KRTAP4-5: variants seen among roughly 807,000 people sequenced by gnomAD.
KRTAP4-5 encodes keratin-associated protein 4-5.
For synonymous variants in KRTAP4-5, 73 were observed against 83.6 expected (o/e 0.87, Z 0.69); for missense variants, 199 against 233.7 (o/e 0.85, Z 0.97).
chr17:41,149,522 C>CTGGCAGCAGCTGGGG lies in KRTAP4-5; in HGVS notation c.245_246insCCCCAGCTGCTGCCA (p.Cys81_Gln82insHisProSerCysCys), dbSNP rs756701731. On this transcript the variant is annotated inframe_insertion, in exon 1 of 1. Transcript: ENST00000343246. ...AGCAGGTGGTCCTGCAGCAGGTGGT[C>CTGGCAGCAGCTGGGG]TGGCAGCAGCAGGGGCGGCAGCAGC... 1.3e-4 allele frequency: 90 copies of CTGGCAGCAGCTGGGG among 691,354 alleles called. No homozygotes were observed. The highest frequency in any genetic ancestry group is 1.8e-4 in the Non-Finnish European group (89 of 497,654). 42.8% of individuals were successfully genotyped at this position (691,354 alleles called of 1,614,324 possible). A position where few individuals can be genotyped will look rare whatever the true frequency, so the allele number is the denominator to read the frequency against.
Position 41,149,342 on chromosome 17 carries a change from G to T in KRTAP4-5, c.426C>A (p.Arg142=), listed in dbSNP as rs145013988. The change falls in exon 1 of 1, where the codon CGC becomes CGA. Residue 142 remains arginine (R), a synonymous_variant. Transcript: ENST00000343246. ...AGACTGGACGCACGCAGCAGCAGGGGCGGCAGCAGCTGGATTCACAGCAAG... is the reference window on the plus strand; with the variant it reads ...AGACTGGACGCACGCAGCAGCAGGGTCGGCAGCAGCTGGATTCACAGCAAG... ...HPSCCESSCC[R]PCCCVRPVCG... is the part of the protein sequence containing the mutation. 1.9e-6 allele frequency: 3 copies of T among 1,613,264 alleles called. No individual in the cohort carries two copies. The highest frequency in any genetic ancestry group is 1.3e-5 in the African/African-American group (1 of 75,030).
At position 41,149,262 on chromosome 17, in the gene KRTAP4-5, G is replaced by C. The variant is rs557854026; in HGVS notation, c.506C>G (p.Thr169Ser). 83 of 1,609,334 alleles carry C rather than the reference G, an allele frequency of 5.2e-5. 1 individual carries two copies. The highest frequency in any genetic ancestry group is 4.3e-4 in the South Asian group (39 of 90,240). Residue 169 changes from threonine to serine, a missense_variant, in exon 1 of 1, where the codon ACC (threonine) becomes AGC (serine). Physicochemically the swap from Thr to Ser is moderately conservative, Grantham distance 58 (BLOSUM62 1). Transcript: ENST00000343246. ...GGCACAGCACAAGGGGCGGGGGCAG[G>C]TGGAGATGACACAGGTTGGGCGATA... ...TCYRPTCVISTCPRPLCCASS... is the reference protein window; with the variant it reads ...TCYRPTCVISSCPRPLCCASS...
rs2014797605 is a variant in KRTAP4-5, at chr17:41,149,058, A to G, written c.*164T>C. The G allele has an allele frequency of 1.6e-6, 2 of 1,250,278 alleles. No homozygotes were observed. Among genetic ancestry groups the G allele is most frequent in the South Asian group, 1.6e-5 (1 of 62,848 alleles). 77.4% of individuals were successfully genotyped at this position (1,250,278 alleles called of 1,614,324 possible). Reference sequence around the variant, plus strand: ...GGCCTGGCATAACATATTTTAATGAATGTGATTGTCTGTCATTTCCTAGAA... The same window carrying G: ...GGCCTGGCATAACATATTTTAATGAGTGTGATTGTCTGTCATTTCCTAGAA... On this transcript the variant is annotated 3_prime_UTR_variant, in exon 1 of 1. Coordinates refer to ENST00000343246, the MANE Select transcript of KRTAP4-5 (RefSeq NM_033188.4).
In KRTAP4-5 at chr17:41,149,235, G is replaced by A. The variant is rs1452686224; in HGVS notation, c.533C>T (p.Ser178Phe). The change falls in exon 1 of 1, where the codon TCC (serine) becomes TTC (phenylalanine). Residue 178 changes from serine to phenylalanine, a missense_variant. Physicochemically the swap from Ser to Phe is radical, Grantham distance 155. Coordinates refer to ENST00000343246, the MANE Select transcript of KRTAP4-5 (RefSeq NM_033188.4). ...CACAAGGAGACATTAGCAGCAAGAG[G>A]AGGCACAGCACAAGGGGCGGGGGCA... ...STCPRPLCCA[S>F]SCC 9.4e-6 allele frequency: 15 copies of A among 1,604,182 alleles called. No individual in the cohort carries two copies. Among genetic ancestry groups the A allele is most frequent in the Non-Finnish European group, 1.3e-5 (15 of 1,174,922 alleles).
At position 41,149,216 on chromosome 17, in the gene KRTAP4-5, G is replaced by C. The variant is rs757187937; in HGVS notation, c.*6C>G. ...TTCATAGTATGACAAATATCACAAG[G>C]AGACATTAGCAGCAAGAGGAGGCAC... On this transcript the variant is annotated 3_prime_UTR_variant, in exon 1 of 1. Coordinates refer to ENST00000343246, the MANE Select transcript of KRTAP4-5 (RefSeq NM_033188.4). The C allele has an allele frequency of 1.1e-5, 18 of 1,592,746 alleles. No homozygotes were observed. The South Asian group carries it at 2.0e-4, about 18-fold the overall frequency.
At position 41,149,138 on chromosome 17, in the gene KRTAP4-5, AT is replaced by A; in HGVS notation, c.*83del. On this transcript the variant is annotated 3_prime_UTR_variant, in exon 1 of 1. Transcript: ENST00000343246. ...GAGACAAACTGGCAGGGAAGTGTTC[AT>A]TTTTCCAGTGACTGGCTGGCTACAG... is the stretch of plus-strand genomic sequence containing the variant. The A allele has an allele frequency of 3.4e-6, 5 of 1,484,610 alleles. No individual in the cohort carries two copies. Among genetic ancestry groups the A allele is most frequent in the Non-Finnish European group, 4.5e-6 (5 of 1,112,106 alleles). The allele number at this position is 1,484,610 out of a possible 1,614,324, so 92.0% of individuals were successfully genotyped here. A position where few individuals can be genotyped will look rare whatever the true frequency, so the allele number is the denominator to read the frequency against.
Position 41,149,311 on chromosome 17 carries a change from G to C in KRTAP4-5, c.457C>G (p.Arg153Gly), listed in dbSNP as rs71371463. Residue 153 changes from arginine to glycine, a missense_variant, in exon 1 of 1, where the codon CGA becomes GGA. Coordinates refer to ENST00000343246, the MANE Select transcript of KRTAP4-5 (RefSeq NM_033188.4). The stretch of plus-strand genomic sequence containing the variant: ...TAGCAAGTGGTGTGGCAGGAGACTC[G>C]GCCACAGACTGGACGCACGCAGCAG... ...PCCCVRPVCGRVSCHTTCYRP... is the reference protein window; with the variant it reads ...PCCCVRPVCGGVSCHTTCYRP... 5 of 1,610,330 alleles carry C rather than the reference G, an allele frequency of 3.1e-6. No homozygotes were observed. Among genetic ancestry groups the C allele is most frequent in the Non-Finnish European group, 4.2e-6 (5 of 1,178,316 alleles).
In KRTAP4-5 at chr17:41,149,115, G is replaced by A; in HGVS notation, c.*107C>T. 2.0e-6 allele frequency: 3 copies of A among 1,465,580 alleles called. No homozygotes were observed. Among genetic ancestry groups the A allele is most frequent in the Non-Finnish European group, 2.7e-6 (3 of 1,102,046 alleles). The allele number at this position is 1,465,580 out of a possible 1,614,324, so 90.8% of individuals were successfully genotyped here. A position where few individuals can be genotyped will look rare whatever the true frequency, so the allele number is the denominator to read the frequency against. ...AATGTCCACTCTGAATGCCACATGA[G>A]ACAAACTGGCAGGGAAGTGTTCATT... On this transcript the variant is annotated 3_prime_UTR_variant, in exon 1 of 1. Transcript: ENST00000343246.
chr17:41,149,629 G>GGCAGCACTGGGGCTT lies in KRTAP4-5; in HGVS notation c.124_138dup (p.Lys42_Cys46dup). On this transcript the variant is annotated inframe_insertion, in exon 1 of 1. Transcript: ENST00000343246. The stretch of plus-strand genomic sequence containing the variant: ...CAGGTGGGCTGGTAGCACACAGACT[G>GGCAGCACTGGGGCTT]GCAGCACTGGGGCTTGCAGCAGCTG... 6.2e-7 allele frequency: 1 copy of GGCAGCACTGGGGCTT among 1,612,442 alleles called. No individual in the cohort carries two copies. Among genetic ancestry groups the GGCAGCACTGGGGCTT allele is most frequent in the Non-Finnish European group, 8.5e-7 (1 of 1,179,602 alleles).
chr17:41,149,498 G>A lies in KRTAP4-5; in HGVS notation c.270C>T (p.Cys90=), dbSNP rs1486796212. Residue 90 remains cysteine, a synonymous_variant, in exon 1 of 1, where the codon TGC becomes TGT. Coordinates refer to ENST00000343246, the MANE Select transcript of KRTAP4-5 (RefSeq NM_033188.4). The stretch of plus-strand genomic sequence containing the variant: ...TGGGGCAGCAGCAGGTGGTCCTGCA[G>A]CAGGTGGTCCTGCAGCAGGTGGTCT... ...CCQTTCCRTT[C]CRTTCCCPSC... 6.6e-7 allele frequency: 1 copy of A among 1,521,420 alleles called. No individual in the cohort carries two copies. Among genetic ancestry groups the A allele is most frequent in the East Asian group, 2.5e-5 (1 of 39,958 alleles). 94.2% of individuals were successfully genotyped at this position (1,521,420 alleles called of 1,614,324 possible). A position where few individuals can be genotyped will look rare whatever the true frequency, so the allele number is the denominator to read the frequency against.
the KRTAP4-5 span, chr17:41,149,517 GT>G: frequency 1.4e-6 from 1 of 709,452 alleles, no homozygotes; most frequent in African/African-American, 3.4e-5. Context: ...CCTGCAGCAG[GT>G]GGTCTGGCAG....
At position 41,149,198 on chromosome 17, in the gene KRTAP4-5, T is replaced by C. The variant is rs139031009; in HGVS notation, c.*24A>G. 746 of 1,565,568 alleles carry C rather than the reference T, an allele frequency of 4.8e-4. 2 individuals are homozygous for C. In the African/African-American group the frequency reaches 9.0e-3, roughly 19 times the overall value. On this transcript the variant is annotated 3_prime_UTR_variant, in exon 1 of 1. Transcript: ENST00000343246. The stretch of plus-strand genomic sequence containing the variant: ...AAATGACTAATGAAGACATTCATAG[T>C]ATGACAAATATCACAAGGAGACATT...
rs757304330 is a variant in KRTAP4-5 at position 41,149,372 on chromosome 17, G to A, written c.396C>T (p.His132=). 2 of 1,613,776 alleles carry A rather than the reference G, an allele frequency of 1.2e-6. No individual in the cohort carries two copies. Among genetic ancestry groups the A allele is most frequent in the East Asian group, 2.2e-5 (1 of 44,868 alleles). The change falls in exon 1 of 1, where the codon CAC becomes CAT. Residue 132 remains histidine, a synonymous_variant. Transcript: ENST00000343246. ...RPSCCISSCC[H]PSCCESSCCR... is the part of the protein sequence containing the mutation. Reference sequence around the variant, plus strand: ...AGCAGCTGGATTCACAGCAAGAGGGGTGGCAGCAGCTGGAGATGCAGCAGC... The same window carrying A: ...AGCAGCTGGATTCACAGCAAGAGGGATGGCAGCAGCTGGAGATGCAGCAGC...
In KRTAP4-5 at chr17:41,149,264, G is replaced by A. The variant is rs774202791; in HGVS notation, c.504C>T (p.Ser168=). Residue 168 remains serine (S), a synonymous_variant, in exon 1 of 1, where the codon TCC becomes TCT. Coordinates refer to ENST00000343246, the MANE Select transcript of KRTAP4-5 (RefSeq NM_033188.4). ...CACAGCACAAGGGGCGGGGGCAGGTGGAGATGACACAGGTTGGGCGATAGC... is the reference window on the plus strand; with the variant it reads ...CACAGCACAAGGGGCGGGGGCAGGTAGAGATGACACAGGTTGGGCGATAGC... ...TTCYRPTCVI[S]TCPRPLCCAS... The A allele has an allele frequency of 6.2e-7, 1 of 1,609,328 alleles. No individual in the cohort carries two copies. Among genetic ancestry groups the A allele is most frequent in the African/African-American group, 1.3e-5 (1 of 74,878 alleles).
In KRTAP4-5 at chr17:41,149,196, A is replaced by G. The variant is rs752185286; in HGVS notation, c.*26T>C. ...TTAAATGACTAATGAAGACATTCAT[A>G]GTATGACAAATATCACAAGGAGACA... On this transcript the variant is annotated 3_prime_UTR_variant, in exon 1 of 1. Transcript: ENST00000343246. The G allele has an allele frequency of 1.3e-6, 2 of 1,562,654 alleles. No homozygotes were observed. Among genetic ancestry groups the G allele is most frequent in the Admixed American group, 1.9e-5 (1 of 52,630 alleles).
chr17:41,148,952 G>T lies in KRTAP4-5; in HGVS notation c.*270C>A. 1.6e-6 allele frequency: 1 copy of T among 632,256 alleles called. No individual in the cohort carries two copies. Among genetic ancestry groups the T allele is most frequent in the Non-Finnish European group, 2.7e-6 (1 of 374,976 alleles). 39.2% of individuals were successfully genotyped at this position (632,256 alleles called of 1,614,324 possible). ...GGGAAGTGGCTGTTTATTAATACAT[G>T]AAAACAATATTATATGAGATCATCA... On this transcript the variant is annotated 3_prime_UTR_variant, in exon 1 of 1. Coordinates refer to ENST00000343246, the MANE Select transcript of KRTAP4-5 (RefSeq NM_033188.4).
Position 41,148,952 on chromosome 17 carries a change from G to GAAAACAATATTATATGAGATCATC in KRTAP4-5, c.*246_*269dup. 1.6e-6 allele frequency: 1 copy of GAAAACAATATTATATGAGATCATC among 632,256 alleles called. No homozygotes were observed. Among genetic ancestry groups the GAAAACAATATTATATGAGATCATC allele is most frequent in the East Asian group, 2.9e-5 (1 of 34,638 alleles). 39.2% of individuals were successfully genotyped at this position (632,256 alleles called of 1,614,324 possible). On this transcript the variant is annotated 3_prime_UTR_variant, in exon 1 of 1. Coordinates refer to ENST00000343246, the MANE Select transcript of KRTAP4-5 (RefSeq NM_033188.4). ...GGGAAGTGGCTGTTTATTAATACAT[G>GAAAACAATATTATATGAGATCATC]AAAACAATATTATATGAGATCATCA...
Position 41,149,800 on chromosome 17 carries a change from C to A in KRTAP4-5, c.-33G>T. 6.4e-7 allele frequency: 1 copy of A among 1,573,334 alleles called. No individual in the cohort carries two copies. The highest frequency in any genetic ancestry group is 1.2e-5 in the South Asian group (1 of 83,290). ...GAGGGTGGAGGTTCTGGGTGGATTT[C>A]TAGAAGAATGAGGTTCTCAAGTTTG... On this transcript the variant is annotated 5_prime_UTR_variant, in exon 1 of 1. Transcript: ENST00000343246.
chr17:41,149,415 G>A lies in KRTAP4-5; in HGVS notation c.353C>T (p.Pro118Leu). The A allele has an allele frequency of 6.2e-7, 1 of 1,613,186 alleles. No homozygotes were observed. The highest frequency in any genetic ancestry group is 8.5e-7 in the Non-Finnish European group (1 of 1,179,546). ...PQCCQSVCCQ[P>L]TCCRPSCCIS... Reference sequence around the variant, plus strand: ...GCAGCAGCTGGGACGGCAGCAAGTGGGCTGGCAGCACACAGACTGGCAGCA... The same window carrying A: ...GCAGCAGCTGGGACGGCAGCAAGTGAGCTGGCAGCACACAGACTGGCAGCA... Residue 118 changes from proline to leucine, a missense_variant, in exon 1 of 1, where the codon CCC becomes CTC. Physicochemically the swap from Pro to Leu is moderately conservative, Grantham distance 98 (BLOSUM62 -3). Transcript: ENST00000343246.
Sources: gnomAD v4.1 joint callset for allele counts on GRCh38, gnomAD v4.1.1 for gene constraint, MANE v1.5 for transcripts, NCBI Gene and HGNC (gene_info 2026-07-23, HGNC 2026-07-21) for gene names.